The following NOL4 variants were observed in gnomAD, a reference collection of about 807,000 sequenced individuals.
The protein encoded by NOL4 is nucleolar protein 4.
In NOL4, 17 loss-of-function variants were observed where a neutral mutation model predicts 75.9. The observed-to-expected ratio is 0.22, with a 90% confidence interval of 0.15 to 0.34. The LOEUF (loss-of-function observed/expected upper bound fraction) is 0.34, where lower values mean the gene tolerates loss of function less well. Ranked by LOEUF, NOL4 falls within the 10% of genes least tolerant of loss-of-function variation. The probability of loss-of-function intolerance (pLI) is 1.00; values close to 1 mark genes in which losing one functional copy is unlikely to be tolerated. For missense variants in NOL4, 614 were observed against 793.5 expected (o/e 0.77, Z 2.72); for synonymous variants, 292 against 289.9 (o/e 1.01, Z -0.07).
chr18:34,136,991 T>C (rs975907766), intron 1 of NOL4, among the ~76,000 whole-genome samples: 1 of 152,092 alleles, frequency 6.6e-6, no homozygotes, highest in Non-Finnish European at 1.5e-5. Flanking sequence ...AAATTGAGAC[T>C]TCAGAAATAA....
chr18:34,164,163 T>C (rs1355963256), intron 1 of NOL4, among the ~76,000 whole-genome samples: 1 of 152,096 alleles, frequency 6.6e-6, no homozygotes, highest in Non-Finnish European at 1.5e-5. Flanking sequence ...GGCATTACCA[T>C]TTAGGACATA....
intron 5 of NOL4, among the ~76,000 whole-genome samples, chr18:34,076,601 T>C (rs28558561): frequency 0.016 from 2,415 of 152,250 alleles, 68 homozygotes; most frequent in African/African-American, 0.056. Flanking sequence ...TTCTTAGTGA[T>C]TCAAATGTCA....
intron 9 of NOL4, among the ~76,000 whole-genome samples, chr18:33,930,674 A>C (rs187129065): frequency 1.3e-5 from 2 of 152,300 alleles, no homozygotes; most frequent in African/African-American, 4.8e-5. Flanking sequence ...TGATAAAAGC[A>C]CACATTTTTT....
chr18:33,926,274 C>T (rs1457518320), intron 9 of NOL4, among the ~76,000 whole-genome samples: 7 of 141,454 alleles, frequency 4.9e-5, no homozygotes, highest in Non-Finnish European at 7.6e-5. Context: ...GCAGGAGAAT[C>T]GCTTGAACCT....
chr18:34,216,697 G>C (rs2036915566), intron 1 of NOL4, among the ~76,000 whole-genome samples: 2 of 150,642 alleles, frequency 1.3e-5, no homozygotes, highest in Non-Finnish European at 3.0e-5. Flanking sequence ...AAACAAGGAG[G>C]TGGGAAGAAG....
At chr18:33,997,871 A>G (rs891689944) in intron 6 of NOL4, among the ~76,000 whole-genome samples, 2 of 151,798 alleles carry the variant, frequency 1.3e-5, no homozygotes, top group South Asian at 2.1e-4. Context: ...ATGTCCATCA[A>G]TTGATAAATA....
chr18:33,997,911 T>C (rs2073411538), intron 6 of NOL4, among the ~76,000 whole-genome samples: 1 of 151,862 alleles, frequency 6.6e-6, no homozygotes, highest in Non-Finnish European at 1.5e-5. Context: ...TGTATAGCTG[T>C]ACAATGACAT....
At chr18:34,027,345 G>C (rs1260291973) in intron 5 of NOL4, among the ~76,000 whole-genome samples, 2 of 152,132 alleles carry the variant, frequency 1.3e-5, no homozygotes, top group African/African-American at 4.8e-5. Context: ...AATATCCTGG[G>C]AATTATCAAA....
At chr18:33,987,763 C>T (rs1004389663) in intron 6 of NOL4, among the ~76,000 whole-genome samples, 6 of 152,046 alleles carry the variant, frequency 3.9e-5, no homozygotes, top group Admixed American at 6.6e-5. Flanking sequence ...TCCCAGTATA[C>T]GGTTGATCTC....
chr18:33,948,088 G>T, intron 8 of NOL4, among the ~76,000 whole-genome samples: 1 of 151,836 alleles, frequency 6.6e-6, no homozygotes, highest in East Asian at 1.9e-4. Flanking sequence ...AAAGTACAAA[G>T]AAATTTAAGA....
chr18:33,886,785 C>CTA (rs1568009154), intron 9 of NOL4, among the ~76,000 whole-genome samples: 2 of 139,150 alleles, frequency 1.4e-5, no homozygotes, highest in African/African-American at 2.7e-5. Flanking sequence ...ATATATATAT[C>CTA]TATAGATATA....
In NOL4 at chr18:33,896,087, C is replaced by T. The variant is rs140746014; in HGVS notation, c.1543-12663G>A. 2.9e-3 allele frequency among the ~76,000 whole-genome samples: 445 copies of T among 152,054 alleles called. 1 individual carries two copies. The highest frequency in any genetic ancestry group is 4.5e-3 in the Non-Finnish European group (303 of 67,982). On this transcript the variant is annotated intron_variant, in intron 9 of 10. Transcript: ENST00000261592. ...AAGAATAAAATACCTAGGAATACAG[C>T]TAACGAGGGAGGTGAAAAATCTCTA...
chr18:34,158,325 A>AT (rs535026630), intron 1 of NOL4, among the ~76,000 whole-genome samples: 351 of 152,280 alleles, frequency 2.3e-3, no homozygotes, highest in African/African-American at 7.8e-3. Context: ...TACTAAGTGC[A>AT]TTTACGTCGG....
At chr18:34,086,572 T>C (rs572167610) in intron 5 of NOL4, among the ~76,000 whole-genome samples, 4 of 152,292 alleles carry the variant, frequency 2.6e-5, no homozygotes, top group Admixed American at 2.6e-4. Context: ...TCCAATGAAA[T>C]TAAATGGTGA....
intron 1 of NOL4, among the ~76,000 whole-genome samples, chr18:34,197,427 T>C (rs1348052385): frequency 6.6e-6 from 1 of 152,032 alleles, no homozygotes; most frequent in Non-Finnish European, 1.5e-5. Flanking sequence ...AGGCTGATAA[T>C]ACCATGAAAG....
chr18:34,172,604 GT>G (rs2033156499), intron 1 of NOL4, among the ~76,000 whole-genome samples: 1 of 152,026 alleles, frequency 6.6e-6, no homozygotes, highest in Non-Finnish European at 1.5e-5. Context: ...AAACTATACT[GT>G]TTTCCATAAT....
chr18:34,085,271 G>A (rs2078194700), intron 5 of NOL4, among the ~76,000 whole-genome samples: 1 of 152,172 alleles, frequency 6.6e-6, no homozygotes, highest in Admixed American at 6.5e-5. Flanking sequence ...TCTAGCATCT[G>A]CTATTTGGTC....
intron 9 of NOL4, among the ~76,000 whole-genome samples, chr18:33,891,262 C>T (rs1238090317): frequency 2.6e-4 from 39 of 152,046 alleles, no homozygotes; most frequent in Admixed American, 2.6e-3. Context: ...ACCTGTAAGG[C>T]TTCTGGGGGA....
chr18:33,998,924 C>T (rs1354922701), intron 6 of NOL4, among the ~76,000 whole-genome samples: 1 of 152,058 alleles, frequency 6.6e-6, no homozygotes, highest in Non-Finnish European at 1.5e-5. Context: ...CTTATAGTTG[C>T]TGAGTAGAAT....
Sources: gnomAD v4.1 joint callset for allele counts (sites outside exome capture counted in the v4.1 genomes callset) on GRCh38, gnomAD v4.1.1 for gene constraint, MANE v1.5 for transcripts, NCBI Gene and HGNC (gene_info 2026-07-23, HGNC 2026-07-21) for gene names.